The following CASP4 variants were observed in gnomAD, a reference collection of about 807,000 sequenced individuals.
CASP4 encodes caspase 4.
CASP4 carries 29 observed loss-of-function variants against 41.3 expected under a neutral mutation model. The ratio of observed to expected loss-of-function variants is 0.70; its 90% confidence interval spans 0.52 to 0.96. The LOEUF (loss-of-function observed/expected upper bound fraction) is 0.96, where lower values mean the gene tolerates loss of function less well. Ranked by LOEUF, CASP4 falls within the 40% of genes least tolerant of loss-of-function variation. The pLI is 0.00. For missense variants in CASP4, 447 were observed against 460.6 expected, an observed-to-expected ratio of 0.97 and a Z score of 0.27; for synonymous variants, 185 against 158.4, an observed-to-expected ratio of 1.17 and a Z score of -1.26.
At chr11:104,954,237 A>G (rs1860681958) in intron 2 of CASP4, among the ~76,000 whole-genome samples, 1 of 152,170 alleles carries the variant, frequency 6.6e-6, no homozygotes, top group Non-Finnish European at 1.5e-5. Context: ...GACCTGTTGA[A>G]TATGTTGCTA....
chr11:104,943,399 A>G (rs910216380), intron 8 of CASP4: 6 of 167,544 alleles, frequency 3.6e-5, no homozygotes, highest in Non-Finnish European at 7.7e-5. Context: ...CTGTGCTGGA[A>G]CACTTTTCCT....
chr11:104,955,005 T>C lies in CASP4; in HGVS notation c.8-4A>G. The C allele has an allele frequency of 8.1e-6, 13 of 1,611,814 alleles. No homozygotes were observed. Among genetic ancestry groups the C allele is most frequent in the Non-Finnish European group, 1.0e-5 (12 of 1,179,148 alleles). On this transcript the variant is annotated splice_region_variant and splice_polypyrimidine_tract_variant and intron_variant, in intron 1 of 8. Coordinates refer to ENST00000444739, the MANE Select transcript of CASP4 (RefSeq NM_001225.4). ...GGCTTTTTTCTGTGGTTGCCTTCTG[T>C]TAGAAATAGAAAGATTCCTTTAACT...
chr11:104,951,486 T>G (rs903283030), intron 3 of CASP4: 1 of 248,902 alleles, frequency 4.0e-6, no homozygotes, highest in Non-Finnish European at 7.9e-6. Context: ...TTTTAACACA[T>G]AAATTTATAA....
At chr11:104,950,874 A>C in intron 4 of CASP4, 51 bp downstream of exon 4, 1 of 1,553,486 alleles carries the variant, frequency 6.4e-7, no homozygotes, top group Non-Finnish European at 8.8e-7. Flanking sequence ...TAGTTATTAG[A>C]AGGATGTGTC....
At chr11:104,951,182 G>C (rs1304948791) in intron 3 of CASP4, 84 bp from the exon 4 acceptor site, 1 of 1,189,374 alleles carries the variant, frequency 8.4e-7, no homozygotes, top group African/African-American at 1.5e-5. Context: ...GCTTTTTCAA[G>C]TCTTCATGCA....
At chr11:104,956,749 A>C (rs1860745682) in intron 1 of CASP4, 1 of 436,864 alleles carries the variant, frequency 2.3e-6, no homozygotes, top group African/African-American at 2.1e-5. Context: ...CAGATGTTGC[A>C]ACACAGTGTG....
In CASP4 at chr11:104,968,502, G is replaced by T; in HGVS notation, c.7+17C>A. On this transcript the variant is annotated intron_variant, in intron 1 of 8. Transcript: ENST00000444739. Reference sequence around the variant, plus strand: ...CTAAGTTCCTACTCCCAAACTCCTAGTCAGAAAAGGACTCACCTGCCATAG... The same window carrying T: ...CTAAGTTCCTACTCCCAAACTCCTATTCAGAAAAGGACTCACCTGCCATAG... 1.2e-6 allele frequency: 2 copies of T among 1,611,042 alleles called. No individual in the cohort carries two copies. Among genetic ancestry groups the T allele is most frequent in the African/African-American group, 1.3e-5 (1 of 74,962 alleles).
chr11:104,952,570 C>T (rs1250809585), intron 2 of CASP4, among the ~76,000 whole-genome samples: 2 of 152,140 alleles, frequency 1.3e-5, no homozygotes, highest in Non-Finnish European at 2.9e-5. Context: ...TTATCCCATA[C>T]AGGATGGAAC....
At chr11:104,954,585 C>T (rs973726087) in intron 2 of CASP4, among the ~76,000 whole-genome samples, 162 bp downstream of exon 2, 9 of 152,016 alleles carry the variant, frequency 5.9e-5, no homozygotes, top group African/African-American at 2.2e-4. Context: ...GGATTCCACC[C>T]CACAAAAGGG....
chr11:104,954,983 T>G lies in CASP4; in HGVS notation c.26A>C (p.Lys9Thr). The G allele has an allele frequency of 6.2e-7, 1 of 1,613,094 alleles. No individual in the cohort carries two copies. Among genetic ancestry groups the G allele is most frequent in the Non-Finnish European group, 8.5e-7 (1 of 1,179,570 alleles). Reference protein sequence around the residue: MAEGNHRKKPLKVLESLGK... With the variant: MAEGNHRKTPLKVLESLGK... ...CAGGGATTCCAACACCTTAAGTGGC[T>G]TTTTTCTGTGGTTGCCTTCTGTTAG... The change falls in exon 2 of 9, where the codon AAG becomes ACG. Residue 9 changes from lysine to threonine, a missense_variant. Transcript: ENST00000444739.
intron 1 of CASP4, among the ~76,000 whole-genome samples, chr11:104,966,571 G>A (rs1860980231): frequency 6.6e-6 from 1 of 152,188 alleles, no homozygotes; most frequent in African/African-American, 2.4e-5. Context: ...AGGACTGGTA[G>A]GAATTTGTCC....
At chr11:104,959,697 T>C (rs915548847) in intron 1 of CASP4, among the ~76,000 whole-genome samples, 1 of 152,134 alleles carries the variant, frequency 6.6e-6, no homozygotes, top group Non-Finnish European at 1.5e-5. Flanking sequence ...TTCATTCTCT[T>C]TTCCATATAC....
At chr11:104,964,730 T>C (rs1860935483) in intron 1 of CASP4, among the ~76,000 whole-genome samples, 2 of 152,158 alleles carry the variant, frequency 1.3e-5, no homozygotes, top group Non-Finnish European at 2.9e-5. Flanking sequence ...GAATATCACT[T>C]TCTAACAGGT....
chr11:104,959,136 A>G (rs562315410), intron 1 of CASP4, among the ~76,000 whole-genome samples: 2 of 152,256 alleles, frequency 1.3e-5, no homozygotes, highest in African/African-American at 2.4e-5. Flanking sequence ...CTGAACTTCT[A>G]TTTCCATTGC....
intron 1 of CASP4, 139 bp from the exon 2 acceptor site, chr11:104,955,140 T>A: frequency 1.3e-6 from 1 of 787,030 alleles, no homozygotes; most frequent in South Asian, 1.9e-5. Context: ...ACCTATAGAG[T>A]TCTGTCATTC....
chr11:104,960,986 C>G (rs547143279), intron 1 of CASP4, among the ~76,000 whole-genome samples: 16 of 152,202 alleles, frequency 1.1e-4, no homozygotes, highest in Non-Finnish European at 1.9e-4. Flanking sequence ...TTATGTGTGG[C>G]TCAACTCTTA....
At chr11:104,944,590 T>C (rs1458807498) in intron 8 of CASP4, 158 bp downstream of exon 8, 6 of 561,434 alleles carry the variant, frequency 1.1e-5, no homozygotes, top group Non-Finnish European at 1.6e-5. Flanking sequence ...TCCAAATACA[T>C]GTAAGTCGGA....
At chr11:104,948,490 C>T (rs2134635811) in intron 6 of CASP4, 43 bp downstream of exon 6, 2 of 1,524,246 alleles carry the variant, frequency 1.3e-6, no homozygotes, top group Middle Eastern at 3.6e-4. Context: ...TCAAAGATGG[C>T]CTCAGGCCCA....
chr11:104,945,022 C>T (rs1330485262), intron 7 of CASP4, among the ~76,000 whole-genome samples, 171 bp from the exon 8 acceptor site: 1 of 152,172 alleles, frequency 6.6e-6, no homozygotes, highest in Non-Finnish European at 1.5e-5. Context: ...TTAGAATTGC[C>T]ACTCCATGTC....
Sources: allele counts gnomAD v4.1 joint callset (sites outside exome capture counted in the v4.1 genomes callset), GRCh38; gene constraint gnomAD v4.1.1; transcripts MANE v1.5; gene names NCBI Gene and HGNC (gene_info 2026-07-23, HGNC 2026-07-21).